RGS9: variants seen among roughly 807,000 people sequenced by gnomAD.
The protein encoded by RGS9 is regulator of G protein signaling 9.
Under a neutral mutation model 102.0 loss-of-function variants are expected in RGS9, and 78 were observed. That is an observed-to-expected ratio of 0.76 (90% CI 0.64 to 0.92). The LOEUF (loss-of-function observed/expected upper bound fraction) is 0.92. Among genes scored for constraint, RGS9 ranks in the 40% least tolerant of loss-of-function variants. The pLI, the probability that RGS9 is intolerant of heterozygous loss-of-function variation, is 0.00. For missense variants in RGS9, 833 were observed against 866.1 expected (o/e 0.96, Z 0.48); for synonymous variants, 353 against 318.6 (o/e 1.11, Z -1.15).
intron 9 of RGS9, among the ~76,000 whole-genome samples, chr17:65,182,154 A>G (rs4791227): frequency 0.3 from 45,627 of 152,160 alleles, 10,617 homozygotes; most frequent in African/African-American, 0.65. Flanking sequence ...AGGCAGAAAT[A>G]TGGCCTCCCA....
At chr17:65,168,150 CA>C (rs1302148138) in intron 7 of RGS9, 49 bp from the exon 8 acceptor site, 1 of 1,325,516 alleles carries the variant, frequency 7.5e-7, no homozygotes, top group Admixed American at 1.9e-5. Flanking sequence ...CATCACTAAT[CA>C]AAAGACACAA....
At position 65,153,499 on chromosome 17, in the gene RGS9, C is replaced by T. The variant is rs185197038; in HGVS notation, c.135C>T (p.Ser45=). 1,189 of 1,613,930 alleles carry T rather than the reference C, an allele frequency of 7.4e-4. No individual in the cohort carries two copies. The highest frequency in any genetic ancestry group is 8.0e-4 in the Non-Finnish European group (939 of 1,179,768). Residue 45 remains serine (S), a synonymous_variant, in exon 2 of 19, where the codon AGC becomes AGT. Transcript: ENST00000262406. ...RMQNQRVLVT[S]VPHAMTGSDV... ...AGAACCAGAGGGTCCTGGTCACCAG[C>T]GTTCCTCATGCCATGACAGGTGATG...
chr17:65,183,230 T>C (rs141782351), intron 9 of RGS9, among the ~76,000 whole-genome samples: 58 of 152,254 alleles, frequency 3.8e-4, no homozygotes, highest in Non-Finnish European at 7.5e-4. Context: ...TCAAAAGATT[T>C]TTATGCCTTA....
chr17:65,150,008 GC>G (rs1471395446), intron 1 of RGS9, among the ~76,000 whole-genome samples: 1 of 152,208 alleles, frequency 6.6e-6, no homozygotes, highest in African/African-American at 2.4e-5. Flanking sequence ...TTAATTCAGT[GC>G]CAGAAGACTA....
At chr17:65,221,720 G>A (rs772948623) in intron 17 of RGS9, among the ~76,000 whole-genome samples, 2 of 152,198 alleles carry the variant, frequency 1.3e-5, no homozygotes, top group East Asian at 1.9e-4. Flanking sequence ...GGATGTCCAC[G>A]ATGGAGGCCC....
At chr17:65,226,108 G>C (rs1905662214) in intron 18 of RGS9, among the ~76,000 whole-genome samples, 1 of 152,228 alleles carries the variant, frequency 6.6e-6, no homozygotes, top group Non-Finnish European at 1.5e-5. Flanking sequence ...TGATCTCTGA[G>C]AACCCCCAGT....
chr17:65,210,779 C>A, intron 17 of RGS9, 174 bp downstream of exon 17: 1 of 1,070,618 alleles, frequency 9.3e-7, no homozygotes, highest in Non-Finnish European at 1.3e-6. Flanking sequence ...TCATCCCATA[C>A]TCCTCTAACT....
chr17:65,178,096 C>T (rs9897592), intron 9 of RGS9, among the ~76,000 whole-genome samples: 59,164 of 151,954 alleles, frequency 0.39, 15,779 homozygotes, highest in African/African-American at 0.75. Context: ...CTTCCCCCTT[C>T]GAAAATCTGA....
chr17:65,140,368 C>T (rs112958470), intron 1 of RGS9, among the ~76,000 whole-genome samples: 31 of 152,048 alleles, frequency 2.0e-4, no homozygotes, highest in Admixed American at 1.6e-3. Flanking sequence ...GAACAGTTTA[C>T]GCACAGAGGC....
chr17:65,172,238 C>G (rs1256174313), intron 8 of RGS9, among the ~76,000 whole-genome samples: 1 of 152,146 alleles, frequency 6.6e-6, no homozygotes, highest in Non-Finnish European at 1.5e-5. Context: ...GTTTTTGAGA[C>G]AGAGTCTCGC....
At chr17:65,222,826 C>A (rs1193318470) in intron 17 of RGS9, among the ~76,000 whole-genome samples, 1 of 152,196 alleles carries the variant, frequency 6.6e-6, no homozygotes, top group Non-Finnish European at 1.5e-5. Context: ...GTCGCACCCC[C>A]CTGATATTCT....
chr17:65,194,682 C>T (rs1005312598), intron 12 of RGS9, among the ~76,000 whole-genome samples: 4 of 151,870 alleles, frequency 2.6e-5, no homozygotes, highest in African/African-American at 9.7e-5. Context: ...TTCCGGCACA[C>T]AGAGGGAGGA....
chr17:65,205,245 C>G (rs1488839947), intron 15 of RGS9, among the ~76,000 whole-genome samples: 2 of 152,174 alleles, frequency 1.3e-5, no homozygotes, highest in East Asian at 1.9e-4. Flanking sequence ...ACAAGACTTT[C>G]TTTGGGTGCT....
intron 4 of RGS9, 96 bp downstream of exon 4, chr17:65,160,435 G>A: frequency 6.4e-7 from 1 of 1,565,164 alleles, no homozygotes; most frequent in Non-Finnish European, 8.8e-7. Context: ...TTCAGAAATG[G>A]TGGAGGGGGC....
chr17:65,163,213 C>T (rs761363137), intron 7 of RGS9, 124 bp downstream of exon 7: 15 of 428,726 alleles, frequency 3.5e-5, no homozygotes, highest in South Asian at 1.9e-4. Flanking sequence ...CTTGCTCTGT[C>T]GCCCAGCCTG....
At chr17:65,159,610 A>G (rs986088236) in intron 3 of RGS9, among the ~76,000 whole-genome samples, 2 of 152,110 alleles carry the variant, frequency 1.3e-5, no homozygotes, top group African/African-American at 4.8e-5. Flanking sequence ...AGAGGATGGA[A>G]GGATATCTGC....
Position 65,175,341 on chromosome 17 carries a change from T to C in RGS9, c.583-2391T>C, listed in dbSNP as rs144253043. ...TGTGTATGAAGTCTGCCTTCAGTTA[T>C]GCAGGGGGATTTCTCCATACCAGAT... On this transcript the variant is annotated intron_variant, in intron 8 of 18. Coordinates refer to ENST00000262406, the MANE Select transcript of RGS9 (RefSeq NM_003835.4). Among the ~76,000 whole-genome samples, 31 of 152,196 alleles carry C rather than the reference T, an allele frequency of 2.0e-4. No homozygotes were observed. In the East Asian group the frequency reaches 5.6e-3, roughly 27 times the overall value.
intron 17 of RGS9, among the ~76,000 whole-genome samples, chr17:65,215,803 C>T (rs1375503607): frequency 6.6e-6 from 1 of 152,016 alleles, no homozygotes; most frequent in East Asian, 1.9e-4. Context: ...TCAAGTGATC[C>T]GCTGGCCTCG....
chr17:65,154,834 C>T (rs370100463), intron 2 of RGS9, among the ~76,000 whole-genome samples: 5 of 152,356 alleles, frequency 3.3e-5, no homozygotes, highest in African/African-American at 1.2e-4. Context: ...CAAGCCCGGG[C>T]CTCACCACGG....
Sources: gnomAD v4.1 joint callset for allele counts (sites outside exome capture counted in the v4.1 genomes callset) on GRCh38, gnomAD v4.1.1 for gene constraint, MANE v1.5 for transcripts, NCBI Gene and HGNC (gene_info 2026-07-23, HGNC 2026-07-21) for gene names.